LRRC8C: variants seen among roughly 807,000 people sequenced by gnomAD.
LRRC8C encodes the protein leucine rich repeat containing 8 VRAC subunit C.
LRRC8C carries 20 observed loss-of-function variants against 55.3 expected under a neutral mutation model. The observed-to-expected ratio is 0.36, with a 90% CI of 0.25 to 0.53. The LOEUF (loss-of-function observed/expected upper bound fraction) is 0.53. LRRC8C is among the 20% of genes least tolerant of loss of function. The pLI is 0.92. For synonymous variants in LRRC8C, 376 were observed against 360.7 expected, an observed-to-expected ratio of 1.04 and a Z score of -0.48; for missense variants, 659 against 951.4, an observed-to-expected ratio of 0.69 and a Z score of 4.04.
chr1:89,631,072 C>CT (rs2101163539), upstream of LRRC8C, among the ~76,000 whole-genome samples: 1 of 152,286 alleles, frequency 6.6e-6, no homozygotes, highest in South Asian at 2.1e-4. Context: ...GTTTCCAAAC[C>CT]TTTTTGCTAT....
In LRRC8C at chr1:89,694,585, C is replaced by CTTTTT. The variant is rs33917661; in HGVS notation, c.138+7992_138+7996dup. 1.8e-3 allele frequency among the ~76,000 whole-genome samples: 151 copies of CTTTTT among 83,186 alleles called. 2 individuals carry two copies. The highest frequency in any genetic ancestry group is 2.8e-3 in the African/African-American group (58 of 20,384). 54.6% of individuals were successfully genotyped at this position (83,186 alleles called of 152,430 possible). A position where few individuals can be genotyped will look rare whatever the true frequency, so the allele number is the denominator to read the frequency against. The stretch of plus-strand genomic sequence containing the variant: ...AGGTGCGTGACACCATGCCCAGCTT[C>CTTTTT]TTTTTTTTTTTTTTTTTTTTTTGAG... On this transcript the variant is annotated intron_variant, in intron 2 of 2. Coordinates refer to ENST00000370454, the MANE Select transcript of LRRC8C (RefSeq NM_032270.5).
At chr1:89,666,396 C>G (rs1657263010) in intron 1 of LRRC8C, among the ~76,000 whole-genome samples, 1 of 132,406 alleles carries the variant, frequency 7.6e-6, no homozygotes, top group East Asian at 2.2e-4. Context: ...CACATGTACA[C>G]TAGAACTTTA....
intron 1 of LRRC8C, among the ~76,000 whole-genome samples, chr1:89,685,222 C>T (rs1418260461): frequency 6.7e-6 from 1 of 149,690 alleles, no homozygotes; most frequent in Non-Finnish European, 1.5e-5. Flanking sequence ...GGGTTCACGC[C>T]ATTCTCCTGC....
chr1:89,658,398 A>G (rs1392188428), intron 1 of LRRC8C, among the ~76,000 whole-genome samples: 1 of 152,248 alleles, frequency 6.6e-6, no homozygotes, highest in Non-Finnish European at 1.5e-5. Context: ...TTTTTAGAAT[A>G]TAATCTAAAA....
chr1:89,693,464 G>A (rs1044407128), intron 2 of LRRC8C, among the ~76,000 whole-genome samples: 9 of 151,824 alleles, frequency 5.9e-5, no homozygotes, highest in African/African-American at 1.9e-4. Flanking sequence ...TATACTGTCT[G>A]GGATTTCTAG....
At chr1:89,629,462 C>T (rs1656051413), upstream of LRRC8C, among the ~76,000 whole-genome samples, 1 of 152,164 alleles carries the variant, frequency 6.6e-6, no homozygotes, top group Admixed American at 6.5e-5. Context: ...GCAGGTTGAT[C>T]TGAAAGAACA....
At chr1:89,693,377 G>A (rs953712990) in intron 2 of LRRC8C, among the ~76,000 whole-genome samples, 3 of 152,162 alleles carry the variant, frequency 2.0e-5, no homozygotes, top group African/African-American at 7.2e-5. Context: ...ATAGATTCCA[G>A]AATGATATCA....
At chr1:89,695,285 G>A (rs1658143984) in intron 2 of LRRC8C, among the ~76,000 whole-genome samples, 1 of 152,150 alleles carries the variant, frequency 6.6e-6, no homozygotes, top group Non-Finnish European at 1.5e-5. Flanking sequence ...AGTTCAAAAT[G>A]TTAAGTTTCC....
intron 1 of LRRC8C, among the ~76,000 whole-genome samples, chr1:89,670,098 C>T (rs193272783): frequency 3.6e-4 from 55 of 152,224 alleles, no homozygotes; most frequent in African/African-American, 1.3e-3. Context: ...TCCCATTCCC[C>T]TTATTTAATT....
At chr1:89,637,183 G>A (rs372198958) in intron 1 of LRRC8C, among the ~76,000 whole-genome samples, 2 of 152,018 alleles carry the variant, frequency 1.3e-5, no homozygotes, top group East Asian at 3.9e-4. Flanking sequence ...CTTCCATGGT[G>A]ATATAGTAAC....
At chr1:89,641,065 A>G (rs536248520) in intron 1 of LRRC8C, among the ~76,000 whole-genome samples, 41 of 152,222 alleles carry the variant, frequency 2.7e-4, no homozygotes, top group Non-Finnish European at 5.0e-4. Flanking sequence ...AGTATATGAC[A>G]TGAAGCAAAC....
At chr1:89,662,786 G>A (rs920061314) in intron 1 of LRRC8C, among the ~76,000 whole-genome samples, 2 of 152,004 alleles carry the variant, frequency 1.3e-5, no homozygotes, top group Non-Finnish European at 2.9e-5. Context: ...TGTGTTTTCA[G>A]CCCCCGCCAT....
intron 1 of LRRC8C, among the ~76,000 whole-genome samples, chr1:89,648,030 C>T (rs1656660846): frequency 6.6e-6 from 1 of 152,316 alleles, no homozygotes; most frequent in Non-Finnish European, 1.5e-5. Context: ...GTTTGCAACA[C>T]TGCATTCCAA....
intron 1 of LRRC8C, among the ~76,000 whole-genome samples, chr1:89,658,447 A>G (rs945943093): frequency 2.6e-5 from 4 of 152,220 alleles, no homozygotes; most frequent in African/African-American, 9.6e-5. Context: ...AAGTTTTAAA[A>G]TAGTAATTAT....
chr1:89,666,773 C>T (rs554525116), intron 1 of LRRC8C, among the ~76,000 whole-genome samples: 1 of 152,248 alleles, frequency 6.6e-6, no homozygotes, highest in East Asian at 1.9e-4. Flanking sequence ...TTCATTGGTT[C>T]AGCAATTACT....
chr1:89,691,953 T>A (rs1381680134), intron 2 of LRRC8C, among the ~76,000 whole-genome samples: 4 of 152,174 alleles, frequency 2.6e-5, no homozygotes, highest in Non-Finnish European at 5.9e-5. Flanking sequence ...AAAGAAAAAT[T>A]TGCACTCTAT....
intron 1 of LRRC8C, among the ~76,000 whole-genome samples, chr1:89,636,144 G>A (rs1656275938): frequency 6.6e-6 from 1 of 152,166 alleles, no homozygotes; most frequent in South Asian, 2.1e-4. Context: ...TGTATAATGG[G>A]ATTAATAAAG....
the LRRC8C span, among the ~76,000 whole-genome samples, chr1:89,618,150 G>A: frequency 6.6e-6 from 1 of 152,160 alleles, no homozygotes; most frequent in African/African-American, 2.4e-5. Context: ...CCCAAAGTTT[G>A]AGCACGCTAA....
At chr1:89,655,823 A>G (rs1334530258) in intron 1 of LRRC8C, among the ~76,000 whole-genome samples, 3 of 152,196 alleles carry the variant, frequency 2.0e-5, no homozygotes, top group Admixed American at 6.5e-5. Context: ...GATGATTAAT[A>G]CTAAGCCTGC....
Sources: gnomAD v4.1 joint callset for allele counts (sites outside exome capture counted in the v4.1 genomes callset) on GRCh38, gnomAD v4.1.1 for gene constraint, MANE v1.5 for transcripts, NCBI Gene and HGNC (gene_info 2026-07-23, HGNC 2026-07-21) for gene names.